FXR2: variants seen among roughly 807,000 people sequenced by gnomAD.
The protein encoded by FXR2 is RNA-binding protein FXR2.
Under a neutral mutation model 87.3 loss-of-function variants are expected in FXR2, and 9 were observed. The observed-to-expected ratio is 0.10, with a 90% CI of 0.06 to 0.18. FXR2 has a LOEUF of 0.18. Among genes scored for constraint, FXR2 ranks in the 10% least tolerant of loss-of-function variants. The pLI is 1.00. For missense variants in FXR2, 661 were observed against 893.6 expected, an observed-to-expected ratio of 0.74 and a Z score of 3.32; for synonymous variants, 331 against 328.3, an observed-to-expected ratio of 1.01 and a Z score of -0.09.
chr17:7,613,932 T>A (rs1474159372), intron 1 of FXR2: 5 of 416,964 alleles, frequency 1.2e-5, no homozygotes, highest in Non-Finnish European at 2.4e-5. Context: ...TCTCCTTGGC[T>A]TGGGAACCGG....
rs373330407 is a variant in FXR2, at chr17:7,593,513, G to A, written c.1220C>T (p.Ala407Val). 10 of 1,587,270 alleles carry A rather than the reference G, an allele frequency of 6.3e-6. No homozygotes were observed. The African/African-American group carries it at 1.2e-4, about 19-fold the overall frequency. The change falls in exon 12 of 17, where the codon GCT (alanine) becomes GTT (valine). Residue 407 changes from alanine (A) to valine (V), a missense_variant. Transcript: ENST00000250113. The surrounding 1 kb of genome is among the most constrained non-coding windows in gnomAD (Gnocchi z 6.1). ...GGAGCTCTCATCAGTGCTATATCCA[G>A]CCTTGTCGCTGCCACCGCTGCCCCG... ...SGRGSGGSDK[A>V]GYSTDESSSS...
intron 1 of FXR2, among the ~76,000 whole-genome samples, chr17:7,609,844 A>G (rs759437735): frequency 2.9e-4 from 44 of 150,964 alleles, no homozygotes; most frequent in Non-Finnish European, 1.0e-4. Flanking sequence ...TCTGGCCAAT[A>G]TGGCAAAACC....
At position 7,593,338 on chromosome 17, in the gene FXR2, C is replaced by G; in HGVS notation, c.1330+65G>C. The G allele has an allele frequency of 3.7e-6, 5 of 1,343,782 alleles. No individual in the cohort carries two copies. The highest frequency in any genetic ancestry group is 5.2e-6 in the Non-Finnish European group (5 of 969,416). The allele number at this position is 1,343,782 out of a possible 1,614,324, so 83.2% of individuals were successfully genotyped here. ...ATTCCAGATTTCCCCAAACTTCCAT[C>G]CAGACCTCTGCCTCTACCCACAAGC... On this transcript the variant is annotated intron_variant, in intron 12 of 16. Transcript: ENST00000250113. The surrounding 1 kb of genome is among the most constrained non-coding windows in gnomAD (Gnocchi z 6.1).
chr17:7,593,614 C>G lies in FXR2; in HGVS notation c.1119G>C (p.Gln373His). Residue 373 changes from glutamine (Q) to histidine (H), a missense_variant, in exon 12 of 17, where the codon CAG becomes CAC. Physicochemically the swap from Gln to His is conservative, Grantham distance 24 (BLOSUM62 0). Transcript: ENST00000250113. This position sits in a 1 kb window ranked among gnomAD's most constrained non-coding sequence, Gnocchi z 6.1. ...CAATTTGTAGCCTCTCCAAGCGAAG[C>G]TGCTCTACCTCCTGGTTGGGTAAAA... Reference protein sequence around the residue: ...YHLSYLQEVEQLRLERLQIDE... With the variant: ...YHLSYLQEVEHLRLERLQIDE... The G allele has an allele frequency of 6.3e-7, 1 of 1,585,634 alleles. No individual in the cohort carries two copies. Among genetic ancestry groups the G allele is most frequent in the South Asian group, 1.2e-5 (1 of 86,890 alleles).
intron 3 of FXR2, 69 bp from the exon 4 acceptor site, chr17:7,604,149 G>T: frequency 8.3e-7 from 1 of 1,203,046 alleles, no homozygotes; most frequent in Non-Finnish European, 1.2e-6. Flanking sequence ...GGATGAGGAG[G>T]CCGGGCATGG....
At chr17:7,604,192 G>A in intron 3 of FXR2, 112 bp from the exon 4 acceptor site, 2 of 785,618 alleles carry the variant, frequency 2.5e-6, no homozygotes, top group Non-Finnish European at 4.3e-6. Context: ...AGCGCTTTGG[G>A]AGGCTGAGGC....
At chr17:7,603,174 C>G in intron 5 of FXR2, among the ~76,000 whole-genome samples, 172 bp from the exon 6 acceptor site, 1 of 149,642 alleles carries the variant, frequency 6.7e-6, no homozygotes, top group Non-Finnish European at 1.5e-5. Context: ...TAGTGAGACC[C>G]TGTCTCTATT....
chr17:7,605,604 G>T, intron 3 of FXR2, 41 bp downstream of exon 3: 1 of 1,026,270 alleles, frequency 9.7e-7, no homozygotes, highest in African/African-American at 1.6e-5. Context: ...AGAATCCTGG[G>T]GAAAAGTGAC....
intron 7 of FXR2, among the ~76,000 whole-genome samples, chr17:7,599,443 G>T (rs1407281967): frequency 6.6e-6 from 1 of 152,096 alleles, no homozygotes; most frequent in Non-Finnish European, 1.5e-5. Context: ...ACAGAAAAAA[G>T]CCTCCCAAAA....
rs1195907119 is a variant in FXR2, at chr17:7,594,564, T to G, written c.910+115A>C. The stretch of plus-strand genomic sequence containing the variant: ...TCACTCCCATTACAGACTGTTTCTC[T>G]GTCCTTGTGAAACTGGGAGTCCACA... On this transcript the variant is annotated intron_variant, in intron 9 of 16. Coordinates refer to ENST00000250113, the MANE Select transcript of FXR2 (RefSeq NM_004860.4). The surrounding 1 kb of genome is among the most constrained non-coding windows in gnomAD (Gnocchi z 5.1). 1.3e-6 allele frequency: 1 copy of G among 772,468 alleles called. No individual in the cohort carries two copies. The highest frequency in any genetic ancestry group is 2.4e-5 in the East Asian group (1 of 41,004). 47.9% of individuals were successfully genotyped at this position (772,468 alleles called of 1,614,324 possible). A position where few individuals can be genotyped will look rare whatever the true frequency, so the allele number is the denominator to read the frequency against.
At chr17:7,613,194 A>C (rs2071890478) in intron 1 of FXR2, among the ~76,000 whole-genome samples, 1 of 151,230 alleles carries the variant, frequency 6.6e-6, no homozygotes, top group South Asian at 2.1e-4. Flanking sequence ...CCTGAGGGGA[A>C]CTGAAGGAAA....
At chr17:7,601,926 C>CA (rs143603149) in intron 6 of FXR2, among the ~76,000 whole-genome samples, 4,624 of 144,554 alleles carry the variant, frequency 0.032, 219 homozygotes, top group African/African-American at 0.11. Context: ...ACTCTGTTTT[C>CA]AAAAAAAAAA....
chr17:7,606,299 TGG>T (rs2071802490), intron 1 of FXR2, 150 bp from the exon 2 acceptor site: 1 of 619,058 alleles, frequency 1.6e-6, no homozygotes, highest in Non-Finnish European at 2.8e-6. Flanking sequence ...AAGGCTGCAC[TGG>T]GGAAAGAATA....
chr17:7,611,728 AG>A (rs1213945857), intron 1 of FXR2, among the ~76,000 whole-genome samples: 2 of 151,884 alleles, frequency 1.3e-5, no homozygotes, highest in Non-Finnish European at 2.9e-5. Context: ...ATTCTGAGAG[AG>A]GAGAAAGGGA....
chr17:7,592,258 T>C lies in FXR2; in HGVS notation c.1922A>G (p.Gln641Arg). The C allele has an allele frequency of 1.2e-6, 2 of 1,608,492 alleles. No homozygotes were observed. Among genetic ancestry groups the C allele is most frequent in the Non-Finnish European group, 1.7e-6 (2 of 1,174,850 alleles). The change falls in exon 16 of 17, where the codon CAG becomes CGG. Residue 641 changes from glutamine to arginine, a missense_variant. By Grantham distance (43) the Gln-to-Arg change is conservative. Coordinates refer to ENST00000250113, the MANE Select transcript of FXR2 (RefSeq NM_004860.4). This position sits in a 1 kb window ranked among gnomAD's most constrained non-coding sequence, Gnocchi z 4.8. ...TKPSEDSLSG[Q>R]KGDSVSKLPK... Reference sequence around the variant, plus strand: ...AAGCACATCTTGCCTGCCTACCTTCTGTCCTGAAAGAGAGTCTTCTGAGGG... The same window carrying C: ...AAGCACATCTTGCCTGCCTACCTTCCGTCCTGAAAGAGAGTCTTCTGAGGG...
intron 3 of FXR2, among the ~76,000 whole-genome samples, chr17:7,604,517 C>T (rs1249763161): frequency 6.6e-6 from 1 of 151,660 alleles, no homozygotes; most frequent in Non-Finnish European, 1.5e-5. Flanking sequence ...CATGGTAAAA[C>T]CCCACCTCTA....
At position 7,592,659 on chromosome 17, in the gene FXR2, AT is replaced by A. The variant is rs760106870; in HGVS notation, c.1729+34del. Reference sequence around the variant, plus strand: ...AACCTCCCACCCTCGATTCCTACCCATCTCTAACTTTCCAGACCCCAGGCAC... The same window carrying A: ...AACCTCCCACCCTCGATTCCTACCCACTCTAACTTTCCAGACCCCAGGCAC... On this transcript the variant is annotated intron_variant, in intron 14 of 16. Transcript: ENST00000250113. The surrounding 1 kb of genome is among the most constrained non-coding windows in gnomAD (Gnocchi z 4.8). The A allele has an allele frequency of 3.2e-5, 52 of 1,612,796 alleles. No homozygotes were observed. The African/African-American group carries it at 6.8e-4, about 21-fold the overall frequency.
At chr17:7,602,463 G>C (rs1178004998) in intron 6 of FXR2, among the ~76,000 whole-genome samples, 3 of 152,168 alleles carry the variant, frequency 2.0e-5, no homozygotes, top group African/African-American at 7.2e-5. Flanking sequence ...AGCTACTCGG[G>C]AGGCTGAGGC....
In FXR2 at chr17:7,602,736, A is replaced by AT. The variant is rs1597876723; in HGVS notation, c.543+172_543+173insA. 23 of 537,064 alleles carry AT rather than the reference A, an allele frequency of 4.3e-5. No individual in the cohort carries two copies. The East Asian group carries it at 7.1e-4, about 17-fold the overall frequency. The allele number at this position is 537,064 out of a possible 1,614,324, so 33.3% of individuals were successfully genotyped here. ...AAGAGTGAGACTTCGTCTCAAAAAA[A>AT]AGAAAAAAAAAAGGTAGGGCTACCT... On this transcript the variant is annotated intron_variant, in intron 6 of 16. Transcript: ENST00000250113.
Sources: gnomAD v4.1 joint callset for allele counts (sites outside exome capture counted in the v4.1 genomes callset) on GRCh38, gnomAD v4.1.1 for gene constraint, Gnocchi (gnomAD v3.1) non-coding constraint, MANE v1.5 for transcripts, NCBI Gene and HGNC (gene_info 2026-07-23, HGNC 2026-07-21) for gene names.